The following SLC8A1 variants were observed in gnomAD, a reference collection of about 807,000 sequenced individuals.
The protein encoded by SLC8A1 is solute carrier family 8 member A1.
A neutral mutation model predicts 68.3 loss-of-function variants in SLC8A1; 18 were observed. The ratio of observed to expected loss-of-function variants is 0.26; its 90% CI spans 0.18 to 0.39. The LOEUF (loss-of-function observed/expected upper bound fraction) is 0.39. SLC8A1 is among the 10% of genes least tolerant of loss of function. SLC8A1 has a pLI of 1.00. For synonymous variants in SLC8A1, 475 were observed against 415.5 expected (o/e 1.14, Z -1.74); for missense variants, 985 against 1,156.7 (o/e 0.85, Z 2.15).
chr2:40,119,058 G>C (rs191735186), intron 7 of SLC8A1, among the ~76,000 whole-genome samples: 87 of 152,202 alleles, frequency 5.7e-4, no homozygotes, highest in African/African-American at 2.0e-3. Flanking sequence ...GGCTGACATG[G>C]AGGGCACACC....
intron 7 of SLC8A1, among the ~76,000 whole-genome samples, chr2:40,125,520 A>C (rs2037894476): frequency 6.6e-6 from 1 of 152,204 alleles, no homozygotes; most frequent in African/African-American, 2.4e-5. Context: ...GCAGAGCAGC[A>C]CCAAAATCTT....
intron 2 of SLC8A1, among the ~76,000 whole-genome samples, chr2:40,421,366 C>T (rs1001983825): frequency 6.6e-6 from 1 of 152,052 alleles, no homozygotes; most frequent in Non-Finnish European, 1.5e-5. Context: ...CCAAGTTTAG[C>T]GATCCTCCTA....
At chr2:40,120,381 G>A (rs1467547358) in intron 7 of SLC8A1, among the ~76,000 whole-genome samples, 1 of 152,190 alleles carries the variant, frequency 6.6e-6, no homozygotes, top group African/African-American at 2.4e-5. Context: ...AAGGTGTACA[G>A]ATCTTCATGG....
At chr2:40,362,385 G>A (rs949332935) in intron 2 of SLC8A1, among the ~76,000 whole-genome samples, 13 of 151,920 alleles carry the variant, frequency 8.6e-5, no homozygotes, top group African/African-American at 3.1e-4. Flanking sequence ...AAGGTATACA[G>A]GTAAATAATC....
At chr2:40,249,637 T>A (rs185654840) in intron 2 of SLC8A1, among the ~76,000 whole-genome samples, 2 of 114,034 alleles carry the variant, frequency 1.8e-5, no homozygotes, top group African/African-American at 7.8e-5. Flanking sequence ...TTGGCTTTGT[T>A]TTTTGTAAAT....
At chr2:40,481,673 T>C in intron 1 of SLC8A1, among the ~76,000 whole-genome samples, 1 of 152,292 alleles carries the variant, frequency 6.6e-6, no homozygotes, top group East Asian at 1.9e-4. Context: ...TCATAATTTT[T>C]TATTCCTGAA....
At chr2:40,510,566 T>C (rs1378942546) in intron 1 of SLC8A1, among the ~76,000 whole-genome samples, 1 of 152,202 alleles carries the variant, frequency 6.6e-6, no homozygotes, top group Non-Finnish European at 1.5e-5. Context: ...CTGTTTCTTT[T>C]GAGAAGCCGG....
At chr2:40,270,711 C>G (rs908916061) in intron 2 of SLC8A1, among the ~76,000 whole-genome samples, 1 of 152,238 alleles carries the variant, frequency 6.6e-6, no homozygotes, top group Non-Finnish European at 1.5e-5. Context: ...TTCGCCAAGT[C>G]AGGTGACAGA....
intron 2 of SLC8A1, among the ~76,000 whole-genome samples, chr2:40,334,966 A>G (rs1665463073): frequency 6.6e-6 from 1 of 152,192 alleles, no homozygotes; most frequent in Non-Finnish European, 1.5e-5. Flanking sequence ...CAAGGCCTTC[A>G]GTAAATTCGG....
chr2:40,351,700 T>C (rs902815192), intron 2 of SLC8A1, among the ~76,000 whole-genome samples: 1 of 152,052 alleles, frequency 6.6e-6, no homozygotes, highest in East Asian at 1.9e-4. Flanking sequence ...TCTAAATAAA[T>C]TGAAGAAAGG....
At chr2:40,190,164 C>T (rs899349395) in intron 2 of SLC8A1, among the ~76,000 whole-genome samples, 1 of 152,170 alleles carries the variant, frequency 6.6e-6, no homozygotes, top group African/African-American at 2.4e-5. Context: ...TGCTTAGCGC[C>T]CTTCTGCTAA....
At chr2:40,284,219 T>C (rs901066723) in intron 2 of SLC8A1, among the ~76,000 whole-genome samples, 1 of 151,432 alleles carries the variant, frequency 6.6e-6, no homozygotes, top group African/African-American at 2.4e-5. Flanking sequence ...ATAAGTTGTT[T>C]ATATCTATAT....
intron 4 of SLC8A1, among the ~76,000 whole-genome samples, chr2:40,166,204 C>T (rs28628343): frequency 0.65 from 99,400 of 152,032 alleles, 33,626 homozygotes; most frequent in South Asian, 0.86. Context: ...TGAGGGACCA[C>T]GCTATGGTGG....
chr2:40,126,618 G>A (rs1045657395), intron 7 of SLC8A1, among the ~76,000 whole-genome samples: 2 of 152,174 alleles, frequency 1.3e-5, no homozygotes, highest in African/African-American at 4.8e-5. Context: ...AGTAAATCTA[G>A]GGGTGGGGTG....
At chr2:40,232,792 C>T (rs573363121) in intron 2 of SLC8A1, among the ~76,000 whole-genome samples, 1 of 131,412 alleles carries the variant, frequency 7.6e-6, no homozygotes, top group East Asian at 2.1e-4. Flanking sequence ...TATTCCCCTT[C>T]CTGTGTCCAT....
At chr2:40,369,311 C>T (rs919804533) in intron 2 of SLC8A1, among the ~76,000 whole-genome samples, 7 of 152,032 alleles carry the variant, frequency 4.6e-5, no homozygotes, top group African/African-American at 1.7e-4. Flanking sequence ...ACTTTCACCT[C>T]GTCATCATCT....
intron 1 of SLC8A1, among the ~76,000 whole-genome samples, chr2:40,462,001 CTT>C (rs370223854): frequency 1.8e-3 from 116 of 66,158 alleles, no homozygotes; most frequent in African/African-American, 5.8e-3. Flanking sequence ...TAAAATCCTC[CTT>C]TTTTTTTTTT....
At chr2:40,146,623 C>G (rs571854906) in intron 6 of SLC8A1, among the ~76,000 whole-genome samples, 1 of 134,918 alleles carries the variant, frequency 7.4e-6, no homozygotes, top group South Asian at 2.3e-4. Context: ...ATGGTCCCAT[C>G]TTTGGGGGAT....
intron 2 of SLC8A1, among the ~76,000 whole-genome samples, chr2:40,394,172 G>A (rs1686173652): frequency 6.6e-6 from 1 of 152,062 alleles, no homozygotes; most frequent in Admixed American, 6.6e-5. Context: ...AAGGTTACTA[G>A]TCTAAGTGAG....
Sources: allele counts gnomAD v4.1 joint callset (sites outside exome capture counted in the v4.1 genomes callset), GRCh38; gene constraint gnomAD v4.1.1; transcripts MANE v1.5; gene names NCBI Gene and HGNC (gene_info 2026-07-23, HGNC 2026-07-21).